ADGRV1: variants seen among roughly 807,000 people sequenced by gnomAD.
The protein encoded by ADGRV1 is G-protein coupled receptor 98.
In ADGRV1, 359 loss-of-function variants were observed where a neutral mutation model predicts 596.2. The ratio of observed to expected loss-of-function variants is 0.60; its 90% CI spans 0.55 to 0.66. The LOEUF (loss-of-function observed/expected upper bound fraction) is 0.66, where lower values mean the gene tolerates loss of function less well. Among genes scored for constraint, ADGRV1 ranks in the 30% least tolerant of loss-of-function variants. The pLI is 0.00. For synonymous variants in ADGRV1, 2,681 were observed against 2,679.2 expected (o/e 1.00, Z -0.02); for missense variants, 7,274 against 7,575.6 (o/e 0.96, Z 1.48).
intron 66 of ADGRV1, 117 bp from the exon 67 acceptor site, chr5:90,783,721 T>A: frequency 1.5e-6 from 1 of 688,102 alleles, no homozygotes; most frequent in Non-Finnish European, 2.4e-6. Context: ...TACCACTTGA[T>A]GTGTGACTAC....
intron 53 of ADGRV1, among the ~76,000 whole-genome samples, chr5:90,751,404 G>T (rs775814703): frequency 6.6e-6 from 1 of 152,132 alleles, no homozygotes; most frequent in Non-Finnish European, 1.5e-5. Flanking sequence ...TGTAGGAAAG[G>T]GTGATTCCCA....
intron 84 of ADGRV1, among the ~76,000 whole-genome samples, chr5:90,979,662 A>C (rs1414656981): frequency 1.3e-5 from 2 of 152,230 alleles, no homozygotes; most frequent in Admixed American, 1.3e-4. Flanking sequence ...TGCTAAAAAA[A>C]CATAGTCTGC....
At chr5:90,908,937 G>A (rs922150935) in intron 83 of ADGRV1, among the ~76,000 whole-genome samples, 2 of 152,170 alleles carry the variant, frequency 1.3e-5, no homozygotes, top group African/African-American at 4.8e-5. Flanking sequence ...TAAAGAGTAA[G>A]GGAGGAAGTA....
chr5:91,158,902 TA>T lies in ADGRV1; in HGVS notation c.18803-4879del, dbSNP rs1796711179. Among the ~76,000 whole-genome samples, 3 of 150,948 alleles carry T rather than the reference TA, an allele frequency of 2.0e-5. No individual in the cohort carries two copies. The East Asian group carries it at 5.8e-4, about 29-fold the overall frequency. ...ATGGATGGATGGATGGATGGATGGA[TA>T]GATGCATGGGATTCAGGAAGAGTGA... On this transcript the variant is annotated intron_variant, in intron 89 of 89. Transcript: ENST00000405460.
chr5:90,893,858 T>A (rs1479341215), intron 83 of ADGRV1, among the ~76,000 whole-genome samples: 1 of 152,250 alleles, frequency 6.6e-6, no homozygotes, highest in African/African-American at 2.4e-5. Flanking sequence ...TTTTGGAGAT[T>A]ATTAATATGT....
chr5:90,821,645 T>G (rs1001882670), intron 75 of ADGRV1, among the ~76,000 whole-genome samples: 1 of 151,576 alleles, frequency 6.6e-6, no homozygotes, highest in Non-Finnish European at 1.5e-5. Context: ...GACAGGACCC[T>G]CAGCTGCAGG....
At chr5:91,097,630 A>G (rs1790989585) in intron 86 of ADGRV1, among the ~76,000 whole-genome samples, 1 of 152,148 alleles carries the variant, frequency 6.6e-6, no homozygotes, top group Non-Finnish European at 1.5e-5. Flanking sequence ...TCTGTGTTTA[A>G]CATCTTGAGG....
intron 29 of ADGRV1, among the ~76,000 whole-genome samples, chr5:90,689,273 G>C (rs1746137965): frequency 6.7e-6 from 1 of 149,586 alleles, no homozygotes; most frequent in South Asian, 2.2e-4. Context: ...GGATTGGTTA[G>C]TGTACTAAGA....
intron 83 of ADGRV1, among the ~76,000 whole-genome samples, chr5:90,908,721 A>T (rs945021175): frequency 2.6e-5 from 4 of 152,218 alleles, no homozygotes; most frequent in Admixed American, 2.0e-4. Flanking sequence ...GTGATATATT[A>T]TTAAAGGGAC....
At chr5:90,884,838 C>T (rs1770130663) in intron 83 of ADGRV1, among the ~76,000 whole-genome samples, 1 of 152,132 alleles carries the variant, frequency 6.6e-6, no homozygotes, top group African/African-American at 2.4e-5. Flanking sequence ...CTCAGTAAAT[C>T]CTTCAGTCCC....
In ADGRV1 at chr5:91,013,992, CTTAG is replaced by C. The variant is rs1782943567; in HGVS notation, c.18152+28474_18152+28477del. On this transcript the variant is annotated intron_variant, in intron 85 of 89. Coordinates refer to ENST00000405460, the MANE Select transcript of ADGRV1 (RefSeq NM_032119.4). ...TTTCCCAATGGTATGTTTTGGTCAG[CTTAG>C]TTAAAGATCAGATGATCCTAGGTAT... 2.6e-5 allele frequency among the ~76,000 whole-genome samples: 4 copies of C among 151,906 alleles called. No individual in the cohort carries two copies. The South Asian group carries it at 6.2e-4, about 24-fold the overall frequency.
intron 50 of ADGRV1, among the ~76,000 whole-genome samples, chr5:90,741,781 T>C (rs1753994485): frequency 6.6e-6 from 1 of 152,182 alleles, no homozygotes; most frequent in African/African-American, 2.4e-5. Flanking sequence ...AGGTAATTAT[T>C]TAGAATGGCT....
At chr5:90,579,252 A>G (rs1757652770) in intron 1 of ADGRV1, among the ~76,000 whole-genome samples, 1 of 152,136 alleles carries the variant, frequency 6.6e-6, no homozygotes, top group Non-Finnish European at 1.5e-5. Flanking sequence ...TAGTGCTATA[A>G]ATTTCCCTCT....
intron 1 of ADGRV1, among the ~76,000 whole-genome samples, chr5:90,582,496 G>C (rs993970543): frequency 6.6e-6 from 1 of 151,994 alleles, no homozygotes; most frequent in Admixed American, 6.6e-5. Flanking sequence ...TGTTTTATTT[G>C]ATATAAGAAT....
intron 73 of ADGRV1, among the ~76,000 whole-genome samples, chr5:90,808,766 C>G (rs529947555): frequency 1.3e-5 from 2 of 151,958 alleles, no homozygotes; most frequent in Non-Finnish European, 2.9e-5. Context: ...TGTGATGGTG[C>G]GTGCCTGTAG....
chr5:90,864,696 A>C (rs1049524863), intron 83 of ADGRV1, among the ~76,000 whole-genome samples: 1 of 152,228 alleles, frequency 6.6e-6, no homozygotes, highest in African/African-American at 2.4e-5. Context: ...GAAAAAAAGC[A>C]TAATCACTTC....
intron 18 of ADGRV1, among the ~76,000 whole-genome samples, chr5:90,652,045 C>T (rs1325121198): frequency 6.6e-6 from 1 of 152,088 alleles, no homozygotes; most frequent in East Asian, 1.9e-4. Context: ...TGACTACCCC[C>T]ACCCTGTACT....
intron 3 of ADGRV1, 82 bp downstream of exon 3, chr5:90,618,035 T>C (rs1763589295): frequency 8.9e-7 from 1 of 1,120,500 alleles, no homozygotes; most frequent in Non-Finnish European, 1.2e-6. Context: ...TAACAATCTA[T>C]CTATCTAGAG....
chr5:90,617,566 C>T (rs754595331), intron 2 of ADGRV1: 73 of 314,092 alleles, frequency 2.3e-4, no homozygotes, highest in Admixed American at 6.5e-4. Flanking sequence ...TGTCGGCCTC[C>T]CAAAGTGCTG....
Sources: gnomAD v4.1 joint callset for allele counts (sites outside exome capture counted in the v4.1 genomes callset) on GRCh38, gnomAD v4.1.1 for gene constraint, MANE v1.5 for transcripts, NCBI Gene and HGNC (gene_info 2026-07-23, HGNC 2026-07-21) for gene names.